Variants in SCHIP1 observed in about 807,000 individuals in gnomAD.
The protein encoded by SCHIP1 is schwannomin-interacting protein 1.
SCHIP1 carries 8 observed loss-of-function variants against 29.7 expected under a neutral mutation model. That is an observed-to-expected ratio of 0.27 (90% CI 0.16 to 0.49). The LOEUF (loss-of-function observed/expected upper bound fraction) is 0.49. SCHIP1 is among the 20% of genes least tolerant of loss of function. SCHIP1 has a pLI of 0.99. For missense variants in SCHIP1, 193 were observed against 294.6 expected (o/e 0.66, Z 2.52); for synonymous variants, 76 against 94.9 (o/e 0.80, Z 1.16).
the SCHIP1 span, among the ~76,000 whole-genome samples, chr3:159,454,236 A>G: frequency 6.6e-6 from 1 of 152,170 alleles, no homozygotes; most frequent in African/African-American, 2.4e-5. Context: ...TAGTGTGAGC[A>G]TTAGGATTTT....
At chr3:159,561,106 T>C in the SCHIP1 span, among the ~76,000 whole-genome samples, 2 of 152,346 alleles carry the variant, frequency 1.3e-5, no homozygotes, top group African/African-American at 4.8e-5. Context: ...CTCTATTCTT[T>C]GTAAAGTGTA....
the SCHIP1 span, among the ~76,000 whole-genome samples, chr3:159,328,405 A>C: frequency 6.6e-6 from 1 of 152,204 alleles, no homozygotes; most frequent in Non-Finnish European, 1.5e-5. Context: ...ATGTCAGCAC[A>C]CTGTTGTGGG....
the SCHIP1 span, among the ~76,000 whole-genome samples, chr3:159,576,284 T>C: frequency 6.6e-6 from 1 of 152,230 alleles, no homozygotes; most frequent in Non-Finnish European, 1.5e-5. Context: ...GCCATTTTTA[T>C]TGAATAATGG....
rs1170575795 is a variant in SCHIP1, at chr3:159,870,027, T to C, written c.149+3746T>C. On this transcript the variant is annotated intron_variant, in intron 2 of 6. Transcript: ENST00000445224. ...GTAATGCTTTCTCATTTGCTGCTGG[T>C]GAACAGAAATGCAATTAACTTTGTA... 2.0e-5 allele frequency among the ~76,000 whole-genome samples: 3 copies of C among 152,100 alleles called. No homozygotes were observed. The East Asian group carries it at 5.8e-4, about 29-fold the overall frequency.
the SCHIP1 span, among the ~76,000 whole-genome samples, chr3:159,549,211 C>T: frequency 6.6e-6 from 1 of 152,122 alleles, no homozygotes; most frequent in Admixed American, 6.5e-5. Flanking sequence ...GAGACTTCCC[C>T]ATTCAGGCAT....
At chr3:159,498,417 A>G in the SCHIP1 span, among the ~76,000 whole-genome samples, 1 of 152,258 alleles carries the variant, frequency 6.6e-6, no homozygotes, top group African/African-American at 2.4e-5. Flanking sequence ...GGTTAGGCAG[A>G]TTAACTAAAA....
chr3:159,857,931 A>G (rs1713578309), intron 1 of SCHIP1, among the ~76,000 whole-genome samples: 2 of 152,022 alleles, frequency 1.3e-5, no homozygotes, highest in South Asian at 4.2e-4. Context: ...GGTCTTCTTG[A>G]CTCCAAATAC....
At chr3:159,700,907 T>G in the SCHIP1 span, among the ~76,000 whole-genome samples, 1 of 152,108 alleles carries the variant, frequency 6.6e-6, no homozygotes. Context: ...GGTATGTATG[T>G]CATGTCATGG....
chr3:159,630,047 G>C, the SCHIP1 span, among the ~76,000 whole-genome samples: 1 of 152,166 alleles, frequency 6.6e-6, no homozygotes, highest in Non-Finnish European at 1.5e-5. Flanking sequence ...GAAAGACAGT[G>C]GCAGCCAAAG....
At chr3:159,684,521 C>T in the SCHIP1 span, among the ~76,000 whole-genome samples, 6 of 152,046 alleles carry the variant, frequency 3.9e-5, no homozygotes, top group South Asian at 2.1e-4. Context: ...GAAAAACATC[C>T]TCTGCCGGGT....
At chr3:159,775,191 A>T in the SCHIP1 span, among the ~76,000 whole-genome samples, 2 of 152,242 alleles carry the variant, frequency 1.3e-5, no homozygotes, top group Admixed American at 1.3e-4. Flanking sequence ...TGCCGTATAG[A>T]AATAAATGTC....
chr3:159,610,171 T>A, the SCHIP1 span, among the ~76,000 whole-genome samples: 2 of 152,184 alleles, frequency 1.3e-5, no homozygotes, highest in African/African-American at 4.8e-5. Flanking sequence ...AAATCTAAGT[T>A]TGTCTGTCTC....
At chr3:159,402,696 T>C in the SCHIP1 span, among the ~76,000 whole-genome samples, 5 of 151,386 alleles carry the variant, frequency 3.3e-5, no homozygotes, top group South Asian at 2.1e-4. Context: ...AAACCAAACA[T>C]TGCATGTTCT....
the SCHIP1 span, among the ~76,000 whole-genome samples, chr3:159,440,819 C>G: frequency 3.3e-5 from 5 of 152,170 alleles, no homozygotes; most frequent in African/African-American, 4.8e-5. Context: ...CATACATACT[C>G]AGAGCGGGTT....
At chr3:159,429,476 A>G in the SCHIP1 span, among the ~76,000 whole-genome samples, 1 of 152,196 alleles carries the variant, frequency 6.6e-6, no homozygotes, top group Non-Finnish European at 1.5e-5. Context: ...TCTCATTCCA[A>G]TAAATTATCC....
At chr3:159,361,547 G>C in the SCHIP1 span, among the ~76,000 whole-genome samples, 12 of 152,176 alleles carry the variant, frequency 7.9e-5, no homozygotes, top group Non-Finnish European at 1.8e-4. Flanking sequence ...AGGGAAATTG[G>C]AACCACTGCA....
chr3:159,315,153 G>A, the SCHIP1 span, among the ~76,000 whole-genome samples: 2 of 150,082 alleles, frequency 1.3e-5, no homozygotes, highest in South Asian at 2.1e-4. Context: ...GTTGCTCCAT[G>A]TCCTTGTCAA....
the SCHIP1 span, among the ~76,000 whole-genome samples, chr3:159,288,451 C>T: frequency 6.6e-6 from 1 of 152,226 alleles, no homozygotes; most frequent in Middle Eastern, 3.4e-3. Context: ...GAGGCATGTG[C>T]ACTGACAATA....
chr3:159,561,891 TCTC>T, the SCHIP1 span, among the ~76,000 whole-genome samples: 4 of 152,122 alleles, frequency 2.6e-5, no homozygotes, highest in Non-Finnish European at 4.4e-5. Context: ...TCCTTTCCCT[TCTC>T]CTGCAGTGGT....
Sources: gnomAD v4.1 joint callset for allele counts (sites outside exome capture counted in the v4.1 genomes callset) on GRCh38, gnomAD v4.1.1 for gene constraint, MANE v1.5 for transcripts, NCBI Gene and HGNC (gene_info 2026-07-23, HGNC 2026-07-21) for gene names.